Variants in NAV2 observed in about 807,000 individuals in gnomAD.
NAV2 encodes the protein helicase, APC down-regulated 1.
NAV2 carries 54 observed loss-of-function variants against 223.2 expected under a neutral mutation model. The observed-to-expected ratio is 0.24, with a 90% CI of 0.19 to 0.30. The LOEUF (loss-of-function observed/expected upper bound fraction) is 0.30. Among genes scored for constraint, NAV2 ranks in the 10% least tolerant of loss-of-function variants. The pLI, the probability that NAV2 is intolerant of heterozygous loss-of-function variation, is 1.00. For synonymous variants in NAV2, 1,279 were observed against 1,239.3 expected (o/e 1.03, Z -0.67); for missense variants, 2,806 against 3,147.5 (o/e 0.89, Z 2.60).
chr11:19,624,238 T>G (rs1590712595), intron 1 of NAV2, among the ~76,000 whole-genome samples: 1 of 152,348 alleles, frequency 6.6e-6, no homozygotes, highest in Non-Finnish European at 1.5e-5. Flanking sequence ...GGAGGCAGTC[T>G]GTCCGTTCTC....
At chr11:20,038,192 A>T (rs2056580773) in intron 12 of NAV2, among the ~76,000 whole-genome samples, 2 of 152,210 alleles carry the variant, frequency 1.3e-5, no homozygotes, top group South Asian at 4.1e-4. Flanking sequence ...CAGTCGCCCC[A>T]GCTCTTTAGA....
chr11:19,934,155 T>G lies in NAV2; in HGVS notation c.1911T>G (p.Thr637=). The part of the protein sequence containing the change: ...TTLNHSISSQ[T]VSGSVGTTQT... The stretch of plus-strand genomic sequence containing the variant: ...TGAACCACAGCATCAGCAGCCAGAC[T>G]GTCAGTGGGTCTGTCGGGACCACCC... The change falls in exon 7 of 38, where the codon ACT becomes ACG. Residue 637 remains threonine (T), a synonymous_variant. Coordinates refer to ENST00000349880, the MANE Select transcript of NAV2 (RefSeq NM_145117.5). The G allele has an allele frequency of 6.2e-7, 1 of 1,613,810 alleles. No individual in the cohort carries two copies. The highest frequency in any genetic ancestry group is 8.5e-7 in the Non-Finnish European group (1 of 1,179,936).
chr11:19,635,053 G>T (rs987215180), intron 1 of NAV2, among the ~76,000 whole-genome samples: 1 of 152,174 alleles, frequency 6.6e-6, no homozygotes, highest in Non-Finnish European at 1.5e-5. Context: ...TCCTGCGCTG[G>T]TGTTCCTGAT....
chr11:19,361,908 C>T (rs1442478907), intron 1 of NAV2, among the ~76,000 whole-genome samples: 1 of 152,112 alleles, frequency 6.6e-6, no homozygotes, highest in East Asian at 1.9e-4. Flanking sequence ...CCTGCTGGAG[C>T]TGGGTTAAGA....
At chr11:19,707,419 C>A (rs1430202913) in intron 1 of NAV2, among the ~76,000 whole-genome samples, 1 of 152,044 alleles carries the variant, frequency 6.6e-6, no homozygotes, top group African/African-American at 2.4e-5. Context: ...TTTTCAACTT[C>A]TTAAAATTAA....
At chr11:19,956,365 T>TACACACACAC (rs113677958) in intron 10 of NAV2, among the ~76,000 whole-genome samples, 1 of 103,876 alleles carries the variant, frequency 9.6e-6, no homozygotes, top group African/African-American at 4.6e-5. Context: ...CCGACACACA[T>TACACACACAC]ACACACACAC....
intron 31 of NAV2, among the ~76,000 whole-genome samples, chr11:20,098,872 G>A (rs1343013718): frequency 1.3e-5 from 2 of 152,360 alleles, no homozygotes; most frequent in East Asian, 1.9e-4. Flanking sequence ...CAGTGAATCA[G>A]GACCAGGCCT....
At chr11:19,819,878 G>A (rs969183074) in intron 1 of NAV2, among the ~76,000 whole-genome samples, 4 of 152,196 alleles carry the variant, frequency 2.6e-5, no homozygotes, top group Non-Finnish European at 4.4e-5. Context: ...AGAGTTCTGC[G>A]GATCTAATCT....
chr11:19,627,427 C>T (rs1175404689), intron 1 of NAV2, among the ~76,000 whole-genome samples: 1 of 151,946 alleles, frequency 6.6e-6, no homozygotes, highest in Admixed American at 6.6e-5. Context: ...TGGGCTGGAC[C>T]AAGGGGTCTG....
chr11:20,075,204 TTTTTG>T (rs568836322), intron 22 of NAV2, among the ~76,000 whole-genome samples: 17,493 of 140,022 alleles, frequency 0.12, 1,278 homozygotes, highest in South Asian at 0.23. Context: ...GTCTCCATGT[TTTTTG>T]TTTTTTTGTT....
At chr11:19,357,718 T>C (rs1349845886) in intron 1 of NAV2, among the ~76,000 whole-genome samples, 1 of 152,220 alleles carries the variant, frequency 6.6e-6, no homozygotes, top group Non-Finnish European at 1.5e-5. Flanking sequence ...TAAAAGAAAG[T>C]GTACTTTTCT....
chr11:19,377,477 C>T (rs1294374945), intron 1 of NAV2, among the ~76,000 whole-genome samples: 1 of 152,186 alleles, frequency 6.6e-6, no homozygotes, highest in Non-Finnish European at 1.5e-5. Context: ...GCATGTTTAT[C>T]CCCCTCGCTG....
intron 1 of NAV2, among the ~76,000 whole-genome samples, chr11:19,626,461 T>C (rs2047174768): frequency 6.6e-6 from 1 of 152,230 alleles, no homozygotes; most frequent in South Asian, 2.1e-4. Context: ...TTTGATAGTA[T>C]GATGTCTCCA....
rs1485847382 is a variant in NAV2, at chr11:20,048,980, C to CCCCT, written c.4155_4156insCCCT (p.Thr1386ProfsTer11). On this transcript the variant is annotated frameshift_variant, in exon 15 of 38. Transcript: ENST00000349880. LOFTEE classifies it high-confidence loss of function. ...CCCCTTCCAACAGCCTCACCTGGGG[C>CCCCT]ACCAACGCCAGCAGCTCCTCCGCAG... 6.2e-7 allele frequency: 1 copy of CCCCT among 1,614,168 alleles called. No individual in the cohort carries two copies. The highest frequency in any genetic ancestry group is 1.1e-5 in the South Asian group (1 of 91,084).
At chr11:19,654,684 C>A (rs990150436) in intron 1 of NAV2, among the ~76,000 whole-genome samples, 5 of 152,114 alleles carry the variant, frequency 3.3e-5, no homozygotes, top group African/African-American at 1.2e-4. Flanking sequence ...AACTGGCTAG[C>A]CATATGTAGA....
At chr11:19,608,150 C>T (rs2046531040) in intron 1 of NAV2, among the ~76,000 whole-genome samples, 1 of 152,200 alleles carries the variant, frequency 6.6e-6, no homozygotes, top group Non-Finnish European at 1.5e-5. Context: ...CTCTGCATTC[C>T]AGCAGAGCAA....
At chr11:19,390,242 C>G (rs1187169523) in intron 1 of NAV2, among the ~76,000 whole-genome samples, 1 of 152,094 alleles carries the variant, frequency 6.6e-6, no homozygotes, top group African/African-American at 2.4e-5. Flanking sequence ...GACTTGTTTT[C>G]TATACCCTCT....
At chr11:19,570,863 C>T (rs1301755328) in intron 1 of NAV2, among the ~76,000 whole-genome samples, 1 of 152,146 alleles carries the variant, frequency 6.6e-6, no homozygotes, top group Admixed American at 6.5e-5. Flanking sequence ...GCAGCCACTG[C>T]AGAAAACAGT....
At chr11:19,547,972 A>C (rs2044558267) in intron 1 of NAV2, among the ~76,000 whole-genome samples, 1 of 152,240 alleles carries the variant, frequency 6.6e-6, no homozygotes, top group East Asian at 1.9e-4. Flanking sequence ...GGTGATTTAC[A>C]GATGGGGAAT....
Sources: gnomAD v4.1 joint callset for allele counts (sites outside exome capture counted in the v4.1 genomes callset) on GRCh38, gnomAD v4.1.1 for gene constraint, MANE v1.5 for transcripts, NCBI Gene and HGNC (gene_info 2026-07-23, HGNC 2026-07-21) for gene names.